Variants in NBAS observed in about 807,000 individuals in gnomAD.
The protein encoded by NBAS is NAG/BC035112 fusion.
In NBAS, 219 loss-of-function variants were observed where a neutral mutation model predicts 302.5. The observed-to-expected ratio is 0.72, with a 90% CI of 0.65 to 0.81. The LOEUF is 0.81. NBAS is among the 30% of genes least tolerant of loss of function. The pLI is 0.00. For synonymous variants in NBAS, 1,118 were observed against 1,021.6 expected (o/e 1.09, Z -1.80); for missense variants, 2,932 against 2,841.6 (o/e 1.03, Z -0.72).
the NBAS span, among the ~76,000 whole-genome samples, chr2:15,113,992 G>A: frequency 6.6e-6 from 1 of 152,032 alleles, no homozygotes; most frequent in Non-Finnish European, 1.5e-5. Flanking sequence ...CTACGAAATA[G>A]TTTTGCCTCC....
chr2:14,918,312 CAAAAA>C, the NBAS span, among the ~76,000 whole-genome samples: 4 of 103,572 alleles, frequency 3.9e-5, no homozygotes, highest in African/African-American at 6.7e-5. Flanking sequence ...GAAATCCATG[CAAAAA>C]AAAAAAAAAA....
intron 31 of NBAS, among the ~76,000 whole-genome samples, chr2:15,374,330 T>A (rs754272823): frequency 2.1e-4 from 32 of 152,164 alleles, no homozygotes; most frequent in Non-Finnish European, 4.1e-4. Context: ...TCTTTTTTTG[T>A]TTTTACTCTA....
At chr2:14,914,754 G>A in the NBAS span, among the ~76,000 whole-genome samples, 2 of 152,182 alleles carry the variant, frequency 1.3e-5, no homozygotes, top group South Asian at 4.1e-4. Flanking sequence ...GGGAAAGCCT[G>A]TGTGTTGGTA....
chr2:14,910,423 C>G, the NBAS span, among the ~76,000 whole-genome samples: 6 of 152,206 alleles, frequency 3.9e-5, no homozygotes, highest in Non-Finnish European at 5.9e-5. Flanking sequence ...GTCCATGACA[C>G]AAGTCTATCC....
At chr2:15,469,542 G>T (rs1169997191) in intron 16 of NBAS, among the ~76,000 whole-genome samples, 1 of 152,076 alleles carries the variant, frequency 6.6e-6, no homozygotes, top group Non-Finnish European at 1.5e-5. Flanking sequence ...GCACACGTAT[G>T]TTTATAGCGA....
intron 48 of NBAS, among the ~76,000 whole-genome samples, chr2:15,202,428 G>A (rs1224076517): frequency 6.6e-6 from 1 of 152,138 alleles, no homozygotes; most frequent in Non-Finnish European, 1.5e-5. Context: ...AAAATAAGAA[G>A]AGGAAAGATT....
intron 24 of NBAS, among the ~76,000 whole-genome samples, chr2:15,416,085 C>CAG (rs142747790): frequency 0.024 from 3,501 of 147,786 alleles, 92 homozygotes; most frequent in South Asian, 0.075. Context: ...TACGCAAAAA[C>CAG]AGAGAGAGAG....
intron 10 of NBAS, among the ~76,000 whole-genome samples, chr2:15,507,098 G>C (rs1032678060): frequency 1.1e-4 from 16 of 152,174 alleles, no homozygotes; most frequent in African/African-American, 3.6e-4. Context: ...AAAAATAAAA[G>C]CATGCTACAT....
chr2:15,467,652 C>G lies in NBAS; in HGVS notation c.2018+12G>C. On this transcript the variant is annotated intron_variant, in intron 18 of 51. Coordinates refer to ENST00000281513, the MANE Select transcript of NBAS (RefSeq NM_015909.4). Reference sequence around the variant, plus strand: ...AAAGAAACTATCAAATGAACAGTAACAACTCATTTACTTGGAAAAGTTCAC... The same window carrying G: ...AAAGAAACTATCAAATGAACAGTAAGAACTCATTTACTTGGAAAAGTTCAC... 1 of 1,608,744 alleles carries G rather than the reference C, an allele frequency of 6.2e-7. No individual in the cohort carries two copies. Among genetic ancestry groups the G allele is most frequent in the Non-Finnish European group, 8.5e-7 (1 of 1,175,664 alleles).
chr2:15,077,769 C>T, the NBAS span, among the ~76,000 whole-genome samples: 5 of 151,758 alleles, frequency 3.3e-5, no homozygotes, highest in African/African-American at 1.2e-4. Flanking sequence ...CTGCAACCTC[C>T]ACCTCAAGGG....
the NBAS span, among the ~76,000 whole-genome samples, chr2:15,033,501 C>A: frequency 6.6e-6 from 1 of 152,110 alleles, no homozygotes; most frequent in Non-Finnish European, 1.5e-5. Flanking sequence ...GTGAGAAGGA[C>A]ATAAATTTGG....
chr2:14,845,024 T>G, the NBAS span, among the ~76,000 whole-genome samples: 6 of 152,212 alleles, frequency 3.9e-5, no homozygotes, highest in Admixed American at 1.3e-4. Context: ...CTTTGCTGTC[T>G]GCTGATTGTA....
chr2:15,294,517 A>G (rs1405396344), intron 40 of NBAS, among the ~76,000 whole-genome samples: 1 of 152,128 alleles, frequency 6.6e-6, no homozygotes, highest in Non-Finnish European at 1.5e-5. Context: ...TCCCTTTTCT[A>G]TCTGTTGGCC....
chr2:15,102,373 G>A, the NBAS span, among the ~76,000 whole-genome samples: 1 of 152,190 alleles, frequency 6.6e-6, no homozygotes, highest in African/African-American at 2.4e-5. Flanking sequence ...CTCCACCCAG[G>A]ACAGCTCTGC....
At chr2:15,396,570 TC>T in intron 26 of NBAS, 95 bp from the exon 27 acceptor site, 1 of 783,952 alleles carries the variant, frequency 1.3e-6, no homozygotes, top group Non-Finnish European at 2.0e-6. Context: ...AAAAGATGTT[TC>T]TTTTATATGT....
At chr2:15,178,095 T>C (rs958341759) in intron 51 of NBAS, 2 of 468,640 alleles carry the variant, frequency 4.3e-6, no homozygotes, top group Non-Finnish European at 8.8e-6. Flanking sequence ...TTCACTGTCT[T>C]GAGTAGCAAG....
At chr2:14,864,457 G>A in the NBAS span, among the ~76,000 whole-genome samples, 35 of 152,038 alleles carry the variant, frequency 2.3e-4, no homozygotes, top group Admixed American at 7.9e-4. Context: ...CAGAAACAGC[G>A]AATATCCAAG....
chr2:14,901,129 C>T, the NBAS span, among the ~76,000 whole-genome samples: 1 of 152,166 alleles, frequency 6.6e-6, no homozygotes, highest in African/African-American at 2.4e-5. Context: ...CTAGGGTCAA[C>T]AGCATGGTGC....
At chr2:15,437,035 A>G (rs1678052309) in intron 21 of NBAS, among the ~76,000 whole-genome samples, 1 of 152,226 alleles carries the variant, frequency 6.6e-6, no homozygotes, top group African/African-American at 2.4e-5. Context: ...GATTCGGAAC[A>G]TGTACAGCAG....
Sources: allele counts gnomAD v4.1 joint callset (sites outside exome capture counted in the v4.1 genomes callset), GRCh38; gene constraint gnomAD v4.1.1; transcripts MANE v1.5; gene names NCBI Gene and HGNC (gene_info 2026-07-23, HGNC 2026-07-21).